The following VPS39 variants were observed in gnomAD, a reference collection of about 807,000 sequenced individuals.
VPS39 encodes the protein VPS39 subunit of HOPS complex.
VPS39 carries 70 observed loss-of-function variants against 121.0 expected under a neutral mutation model. The ratio of observed to expected loss-of-function variants is 0.58; its 90% CI spans 0.48 to 0.71. The LOEUF is 0.71. Among genes scored for constraint, VPS39 ranks in the 30% least tolerant of loss-of-function variants. VPS39 has a pLI of 0.00. For synonymous variants in VPS39, 378 were observed against 398.1 expected (o/e 0.95, Z 0.60); for missense variants, 818 against 1,051.5 (o/e 0.78, Z 3.07).
chr15:42,201,497 G>A (rs1447702275), intron 1 of VPS39, among the ~76,000 whole-genome samples: 1 of 152,166 alleles, frequency 6.6e-6, no homozygotes, highest in Non-Finnish European at 1.5e-5. Context: ...TTAAAAGATG[G>A]TCTAGGCTAG....
At chr15:42,204,153 G>A (rs1329238928) in intron 1 of VPS39, among the ~76,000 whole-genome samples, 1 of 152,178 alleles carries the variant, frequency 6.6e-6, no homozygotes, top group Non-Finnish European at 1.5e-5. Flanking sequence ...CCACTGCAGG[G>A]ACCACAAAGA....
intron 2 of VPS39, among the ~76,000 whole-genome samples, chr15:42,197,223 G>C (rs1478932277): frequency 6.6e-6 from 1 of 150,982 alleles, no homozygotes; most frequent in African/African-American, 2.4e-5. Flanking sequence ...TATACCTAAC[G>C]TAAATGACGA....
chr15:42,166,427 A>G, intron 15 of VPS39, 136 bp downstream of exon 15: 6 of 1,192,140 alleles, frequency 5.0e-6, no homozygotes, highest in Non-Finnish European at 1.2e-6. Flanking sequence ...AGGGACTTTT[A>G]TGCCATTTGG....
intron 20 of VPS39, 105 bp downstream of exon 20, chr15:42,163,521 C>T: frequency 6.5e-7 from 1 of 1,528,202 alleles, no homozygotes; most frequent in Non-Finnish European, 9.0e-7. Flanking sequence ...GGAGGCGATT[C>T]TTGCTCCCGC....
At chr15:42,180,886 T>A (rs938490900) in intron 8 of VPS39, among the ~76,000 whole-genome samples, 1 of 152,106 alleles carries the variant, frequency 6.6e-6, no homozygotes, top group Non-Finnish European at 1.5e-5. Context: ...GACAAGAATA[T>A]GGAAAAATTG....
chr15:42,178,603 G>A lies in VPS39; in HGVS notation c.719-33C>T, dbSNP rs552755478. 143 of 1,610,592 alleles carry A rather than the reference G, an allele frequency of 8.9e-5. 2 individuals are homozygous for A. The highest frequency in any genetic ancestry group is 4.8e-4 in the South Asian group (44 of 91,000). On this transcript the variant is annotated intron_variant, in intron 8 of 24. Transcript: ENST00000318006. Reference sequence around the variant, plus strand: ...AGAGAACATACACAGCAGTTGTTCCGGTCTAAGGCTTTGGGTTTATGGAGT... The same window carrying A: ...AGAGAACATACACAGCAGTTGTTCCAGTCTAAGGCTTTGGGTTTATGGAGT...
chr15:42,162,627 T>C, intron 21 of VPS39, 146 bp from the exon 22 acceptor site: 2 of 981,308 alleles, frequency 2.0e-6, no homozygotes, highest in East Asian at 2.8e-5. Flanking sequence ...ACCTTGTAAA[T>C]TGGTAAGGTC....
rs111335766 is a variant in VPS39, at chr15:42,204,351, T to A, written c.73+3730A>T. Among the ~76,000 whole-genome samples the A allele has an allele frequency of 3.6e-3, 548 of 152,330 alleles. 5 individuals are homozygous for A. Among genetic ancestry groups the A allele is most frequent in the African/African-American group, 0.013 (520 of 41,578 alleles). ...AAGTGGTACCCTGAAATTTACATTT[T>A]AAAATTTAATCTTGTTGGCTGGGCA... On this transcript the variant is annotated intron_variant, in intron 1 of 24. Transcript: ENST00000318006.
At chr15:42,171,167 C>T (rs2049341106) in intron 11 of VPS39, among the ~76,000 whole-genome samples, 1 of 152,184 alleles carries the variant, frequency 6.6e-6, no homozygotes, top group South Asian at 2.1e-4. Flanking sequence ...CACTTCCCAT[C>T]CATTTCTACT....
intron 2 of VPS39, chr15:42,192,205 A>G: frequency 9.3e-7 from 1 of 1,070,532 alleles, no homozygotes; most frequent in South Asian, 1.4e-5. Flanking sequence ...ATGAGTCAAA[A>G]AGAGAATAAT....
intron 10 of VPS39, among the ~76,000 whole-genome samples, chr15:42,175,101 A>G (rs2049422709): frequency 6.6e-6 from 1 of 152,136 alleles, no homozygotes; most frequent in African/African-American, 2.4e-5. Flanking sequence ...GAGAGAGCAC[A>G]GTGTACTCAA....
rs2049115089 is a variant in VPS39 at position 42,160,921 on chromosome 15, G to T, written c.2553-92C>A. 1.2e-5 allele frequency: 16 copies of T among 1,338,272 alleles called. No individual in the cohort carries two copies. In the South Asian group the frequency reaches 1.9e-4, roughly 16 times the overall value. 82.9% of individuals were successfully genotyped at this position (1,338,272 alleles called of 1,614,324 possible). A position where few individuals can be genotyped will look rare whatever the true frequency, so the allele number is the denominator to read the frequency against. ...CCTCCTACAGAAGAGGCACATTGCT[G>T]GGGGGCCATTCCAAAAGCAGCCCAC... On this transcript the variant is annotated intron_variant, in intron 24 of 24. Transcript: ENST00000318006.
intron 7 of VPS39, among the ~76,000 whole-genome samples, chr15:42,186,178 T>A (rs2049696806): frequency 6.6e-6 from 1 of 151,882 alleles, no homozygotes; most frequent in Admixed American, 6.6e-5. Flanking sequence ...GTGGCTGTAA[T>A]CTCAGCACTT....
intron 4 of VPS39, among the ~76,000 whole-genome samples, chr15:42,190,384 T>C (rs933843522): frequency 1.3e-5 from 2 of 152,162 alleles, no homozygotes; most frequent in Admixed American, 6.5e-5. Context: ...ACATTTAACA[T>C]GATTTTACTC....
intron 7 of VPS39, among the ~76,000 whole-genome samples, chr15:42,186,364 C>G (rs560975499): frequency 1.9e-4 from 29 of 152,062 alleles, no homozygotes; most frequent in Admixed American, 4.6e-4. Context: ...CTGCTTGAGC[C>G]CAGGAGACGG....
chr15:42,190,208 G>T (rs919369232), intron 4 of VPS39, among the ~76,000 whole-genome samples: 10 of 152,256 alleles, frequency 6.6e-5, no homozygotes, highest in Admixed American at 5.9e-4. Context: ...CACATTAGGA[G>T]GCTCCAATTA....
chr15:42,207,342 G>A (rs993118567), intron 1 of VPS39, among the ~76,000 whole-genome samples: 1 of 152,140 alleles, frequency 6.6e-6, no homozygotes, highest in African/African-American at 2.4e-5. Flanking sequence ...AGTCACTCAC[G>A]GATAAGAGCA....
intron 1 of VPS39, among the ~76,000 whole-genome samples, chr15:42,206,793 G>A (rs2050182035): frequency 6.6e-6 from 1 of 152,210 alleles, no homozygotes; most frequent in Non-Finnish European, 1.5e-5. Flanking sequence ...CCCAAGCAAA[G>A]AGAATGGCCC....
chr15:42,161,371 A>G (rs951927964), intron 24 of VPS39: 11 of 451,400 alleles, frequency 2.4e-5, no homozygotes, highest in African/African-American at 8.0e-5. Flanking sequence ...GATCTTCCTT[A>G]TAAGAACTTT....
Sources: gnomAD v4.1 joint callset for allele counts (sites outside exome capture counted in the v4.1 genomes callset) on GRCh38, gnomAD v4.1.1 for gene constraint, MANE v1.5 for transcripts, NCBI Gene and HGNC (gene_info 2026-07-23, HGNC 2026-07-21) for gene names.